The following APBB3 variants were observed in gnomAD, a reference collection of about 807,000 sequenced individuals.
APBB3 encodes amyloid-beta A4 precursor protein-binding family B member 3.
APBB3 carries 50 observed loss-of-function variants against 61.5 expected under a neutral mutation model. That is an observed-to-expected ratio of 0.81 (90% CI 0.65 to 1.03). The LOEUF (loss-of-function observed/expected upper bound fraction) is 1.03. APBB3 is among the 50% of genes least tolerant of loss of function. APBB3 has a pLI of 0.00. For missense variants in APBB3, 550 were observed against 637.4 expected (o/e 0.86, Z 1.48); for synonymous variants, 235 against 233.0 (o/e 1.01, Z -0.08).
chr5:140,563,843 G>A lies in APBB3; in HGVS notation c.122C>T (p.Ala41Val), dbSNP rs984546852. 4.3e-6 allele frequency: 7 copies of A among 1,614,082 alleles called. No individual in the cohort carries two copies. In the African/African-American group the frequency reaches 9.3e-5, roughly 22 times the overall value. The change falls in exon 2 of 13, where the codon GCT (alanine) becomes GTT (valine). Residue 41 changes from alanine (A) to valine (V), a missense_variant. This residue lies in a region of APBB3 where 405 missense variants were observed against 483.4 expected (regional missense o/e 0.84). Coordinates refer to ENST00000357560, the MANE Select transcript of APBB3 (RefSeq NM_133173.3). ...LPPGWRKIHDAAGTYYWHVPS... is the reference protein window; with the variant it reads ...LPPGWRKIHDVAGTYYWHVPS... ...TACATGCCAGTAGTAAGTACCTGCA[G>A]CATCGTGGATCTTCCTCCAGCCAGG...
chr5:140,562,183 T>C lies in APBB3; in HGVS notation c.543A>G (p.Leu181=), dbSNP rs777988103. 6.8e-6 allele frequency: 11 copies of C among 1,614,006 alleles called. No individual in the cohort carries two copies. In the South Asian group the frequency reaches 9.9e-5, roughly 14 times the overall value. Residue 181 remains leucine, a synonymous_variant, in exon 6 of 13, where the codon CTA becomes CTG. Coordinates refer to ENST00000357560, the MANE Select transcript of APBB3 (RefSeq NM_133173.3). The part of the protein sequence containing the change: ...LMILKKDAMS[L]VNPLDHSLIH... ...TCAGACTGTGGTCCAGGGGATTCACTAGGCTCATGGCATCCTTCTTCAGGA... is the reference window on the plus strand; with the variant it reads ...TCAGACTGTGGTCCAGGGGATTCACCAGGCTCATGGCATCCTTCTTCAGGA...
Position 140,561,107 on chromosome 5 carries a change from A to C in APBB3, c.833-6T>G. Reference sequence around the variant, plus strand: ...TACCGCATCCAGCAGCTCCACTGAAATATACACACCAAGTTGGCCTGGAAG... The same window carrying C: ...TACCGCATCCAGCAGCTCCACTGAACTATACACACCAAGTTGGCCTGGAAG... On this transcript the variant is annotated splice_region_variant and splice_polypyrimidine_tract_variant and intron_variant, in intron 9 of 12. Coordinates refer to ENST00000357560, the MANE Select transcript of APBB3 (RefSeq NM_133173.3). 2 of 1,614,092 alleles carry C rather than the reference A, an allele frequency of 1.2e-6. No individual in the cohort carries two copies. Among genetic ancestry groups the C allele is most frequent in the Non-Finnish European group, 1.7e-6 (2 of 1,180,022 alleles).
Position 140,563,803 on chromosome 5 carries a change from G to A in APBB3, c.162C>T (p.Thr54=). 1 of 1,614,142 alleles carries A rather than the reference G, an allele frequency of 6.2e-7. No individual in the cohort carries two copies. The highest frequency in any genetic ancestry group is 8.5e-7 in the Non-Finnish European group (1 of 1,180,032). ...TYYWHVPSGS[T]QWQRPTWELG... ...GTTCCCAGGTTGGGCGCTGCCACTG[G>A]GTGCTACCGCTGGGTACATGCCAGT... Residue 54 remains threonine, a synonymous_variant, in exon 2 of 13, where the codon ACC becomes ACT. Transcript: ENST00000357560.
intron 2 of APBB3, 27 bp downstream of exon 2, chr5:140,563,725 C>G: frequency 6.2e-7 from 1 of 1,614,064 alleles, no homozygotes; most frequent in Non-Finnish European, 8.5e-7. Context: ...CACATGGGCT[C>G]AGACCTCCTC....
At position 140,561,476 on chromosome 5, in the gene APBB3, C is replaced by T. The variant is rs372370534; in HGVS notation, c.748-27G>A. ...TAAAACACAATGAAGCCAGCATGAC[C>T]CACAGGGAGAGAGGGGAATTAGGGT... On this transcript the variant is annotated intron_variant, in intron 8 of 12. Transcript: ENST00000357560. 209 of 1,613,978 alleles carry T rather than the reference C, an allele frequency of 1.3e-4. 1 individual carries two copies. In the Middle Eastern group the frequency reaches 2.1e-3, roughly 17 times the overall value.
rs763589517 is a variant in APBB3 at position 140,560,470 on chromosome 5, T to C, written c.1067A>G (p.Gln356Arg). 2.5e-6 allele frequency: 4 copies of C among 1,614,078 alleles called. No homozygotes were observed. The highest frequency in any genetic ancestry group is 3.4e-6 in the Non-Finnish European group (4 of 1,179,998). ...AAATGTCACAAGGCGCACAGGGCAC[T>C]GCCACAATGGCTCCTCCTCTGTACT... Reference protein sequence around the residue: ...EASTEEEPLWQCPVRLVTFIG... With the variant: ...EASTEEEPLWRCPVRLVTFIG... The change falls in exon 12 of 13, where the codon CAG (glutamine) becomes CGG (arginine). Residue 356 changes from glutamine to arginine, a missense_variant. Gln to Arg is a conservative substitution (Grantham distance 43). Around this residue, in one of 3 missense-constraint regions of APBB3, gnomAD observed 405 missense variants for 483.4 expected, o/e 0.84. Coordinates refer to ENST00000357560, the MANE Select transcript of APBB3 (RefSeq NM_133173.3). This position sits in a 1 kb window ranked among gnomAD's most constrained non-coding sequence, Gnocchi z 5.1.
In APBB3 at chr5:140,563,682, G is replaced by A; in HGVS notation, c.214-12C>T. On this transcript the variant is annotated splice_polypyrimidine_tract_variant and intron_variant, in intron 2 of 12. Transcript: ENST00000357560. ...ATCCCCTCCGTTCCCTGTAGAGTGG[G>A]AGTTAGTCAGTTTAACAGCAGACCT... 1.2e-6 allele frequency: 2 copies of A among 1,614,144 alleles called. No individual in the cohort carries two copies. Among genetic ancestry groups the A allele is most frequent in the Non-Finnish European group, 1.7e-6 (2 of 1,180,010 alleles).
In APBB3 at chr5:140,560,993, C is replaced by G. The variant is rs940317643; in HGVS notation, c.916+25G>C. On this transcript the variant is annotated intron_variant, in intron 10 of 12. Coordinates refer to ENST00000357560, the MANE Select transcript of APBB3 (RefSeq NM_133173.3). This position sits in a 1 kb window ranked among gnomAD's most constrained non-coding sequence, Gnocchi z 5.1. ...CTTCCCCTTGCCTCACACAGCCCAC[C>G]ACATGCAGCCCCCTCAGTCCTCACC... is the stretch of plus-strand genomic sequence containing the variant. 3.7e-6 allele frequency: 6 copies of G among 1,608,394 alleles called. No homozygotes were observed. The Admixed American group carries it at 8.3e-5, about 22-fold the overall frequency.
At chr5:140,559,227 T>C (rs1754841553) in intron 12 of APBB3, among the ~76,000 whole-genome samples, 1 of 152,168 alleles carries the variant, frequency 6.6e-6, no homozygotes, top group African/African-American at 2.4e-5. Flanking sequence ...GTTGCCTCTT[T>C]TCCATCTCTC....
chr5:140,561,589 G>A lies in APBB3; in HGVS notation c.745C>T (p.Gln249Ter). ...IASALHGLCA[Q>*]ILSERVEVSG... ...CCTGCCCCACCCCTGACACTTACCT[G>A]GGCACAAAGCCCATGTAGGGCACTG... The change falls in exon 8 of 13, where the codon CAG (glutamine) becomes TAG (stop). Residue 249 changes from glutamine (Q) to a stop codon, truncating the protein, a stop_gained and splice_region_variant. Coordinates refer to ENST00000357560, the MANE Select transcript of APBB3 (RefSeq NM_133173.3). LOFTEE classifies it high-confidence loss of function. 6.2e-7 allele frequency: 1 copy of A among 1,614,112 alleles called. No individual in the cohort carries two copies. Among genetic ancestry groups the A allele is most frequent in the Non-Finnish European group, 8.5e-7 (1 of 1,180,006 alleles).
rs1471927809 is a variant in APBB3 at position 140,561,062 on chromosome 5, T to G, written c.872A>C (p.Tyr291Ser). The G allele has an allele frequency of 6.2e-7, 1 of 1,613,906 alleles. No homozygotes were observed. Among genetic ancestry groups the G allele is most frequent in the African/African-American group, 1.3e-5 (1 of 74,926 alleles). The change falls in exon 10 of 13, where the codon TAC (tyrosine) becomes TCC (serine). Residue 291 changes from tyrosine to serine, a missense_variant. Coordinates refer to ENST00000357560, the MANE Select transcript of APBB3 (RefSeq NM_133173.3). Reference sequence around the variant, plus strand: ...CAGTGTCCCCATATACAGTGCCTCGTACTTCTGAGCAGCTTGGCTTACCGC... The same window carrying G: ...CAGTGTCCCCATATACAGTGCCTCGGACTTCTGAGCAGCTTGGCTTACCGC... The part of the protein sequence containing the change: ...LDAVSQAAQK[Y>S]EALYMGTLPV...
rs544602778 is a variant in APBB3 at position 140,564,375 on chromosome 5, T to TACGGGGCGGGAC, written c.-142_-131dup. The TACGGGGCGGGAC allele has an allele frequency of 8.2e-4, 852 of 1,039,436 alleles. 4 individuals are homozygous for TACGGGGCGGGAC. Among genetic ancestry groups the TACGGGGCGGGAC allele is most frequent in the African/African-American group, 7.2e-3 (430 of 59,848 alleles). The allele number at this position is 1,039,436 out of a possible 1,614,324, so 64.4% of individuals were successfully genotyped here. ...GCGGGGCCAGCTGGCGCCGCACAAA[T>TACGGGGCGGGAC]ACGGGGCGGGACACGGGGCGGGACA... On this transcript the variant is annotated 5_prime_UTR_variant, in exon 1 of 13. Coordinates refer to ENST00000357560, the MANE Select transcript of APBB3 (RefSeq NM_133173.3). This position sits in a 1 kb window ranked among gnomAD's most constrained non-coding sequence, Gnocchi z 5.0.
In APBB3 at chr5:140,560,862, T is replaced by G. The variant is rs768225858; in HGVS notation, c.917-108A>C. 7.3e-5 allele frequency: 101 copies of G among 1,387,406 alleles called. No homozygotes were observed. The highest frequency in any genetic ancestry group is 9.5e-5 in the Non-Finnish European group (94 of 990,738). The allele number at this position is 1,387,406 out of a possible 1,614,324, so 85.9% of individuals were successfully genotyped here. On this transcript the variant is annotated intron_variant, in intron 10 of 12. Coordinates refer to ENST00000357560, the MANE Select transcript of APBB3 (RefSeq NM_133173.3). This position sits in a 1 kb window ranked among gnomAD's most constrained non-coding sequence, Gnocchi z 5.1. The stretch of plus-strand genomic sequence containing the variant: ...ATTCAGAGATAGGGAATAGGATAGC[T>G]GGGGCAAGCCTTAGAATTCTGATTT...
rs199545427 is a variant in APBB3 at position 140,560,476 on chromosome 5, A to G, written c.1061T>C (p.Leu354Ser). The G allele has an allele frequency of 5.6e-6, 9 of 1,614,008 alleles. No homozygotes were observed. In the Admixed American group the frequency reaches 1.5e-4, roughly 27 times the overall value. The part of the protein sequence containing the change: ...QAEASTEEEP[L>S]WQCPVRLVTF... ...CACAAGGCGCACAGGGCACTGCCAC[A>G]ATGGCTCCTCCTCTGTACTGGCCTC... The change falls in exon 12 of 13, where the codon TTG becomes TCG. Residue 354 changes from leucine (L) to serine (S), a missense_variant. This residue lies in a region of APBB3 where 405 missense variants were observed against 483.4 expected (regional missense o/e 0.84). Coordinates refer to ENST00000357560, the MANE Select transcript of APBB3 (RefSeq NM_133173.3). The surrounding 1 kb of genome is among the most constrained non-coding windows in gnomAD (Gnocchi z 5.1).
chr5:140,563,043 G>A (rs926524963), intron 3 of APBB3: 9 of 356,048 alleles, frequency 2.5e-5, no homozygotes, highest in Admixed American at 4.6e-5. Context: ...TCAGGATATC[G>A]AGACCATCCT....
intron 12 of APBB3, among the ~76,000 whole-genome samples, chr5:140,559,474 G>A (rs959281488): frequency 6.6e-6 from 1 of 152,092 alleles, no homozygotes; most frequent in Admixed American, 6.6e-5. Flanking sequence ...GTGCTTCCTA[G>A]TGCCTCCAGA....
Position 140,558,949 on chromosome 5 carries a change from G to A in APBB3, c.1225-128C>T. On this transcript the variant is annotated intron_variant, in intron 12 of 12. Coordinates refer to ENST00000357560, the MANE Select transcript of APBB3 (RefSeq NM_133173.3). ...AGGTTGGTAGTCAGCCACATGTGGA[G>A]TTTCTAGAGCATTCCCAGGTAGCTC... The A allele has an allele frequency of 2.5e-6, 2 of 807,106 alleles. 1 individual carries two copies. The highest frequency in any genetic ancestry group is 3.0e-5 in the South Asian group (2 of 66,214). 50.0% of individuals were successfully genotyped at this position (807,106 alleles called of 1,614,324 possible).
rs143491686 is a variant in APBB3, at chr5:140,558,657, G to C, written c.1389C>G (p.Thr463=). 1.1e-3 allele frequency: 1,703 copies of C among 1,614,114 alleles called. 1 individual carries two copies. The highest frequency in any genetic ancestry group is 1.4e-3 in the Non-Finnish European group (1,611 of 1,180,006). Residue 463 remains threonine, a synonymous_variant, in exon 13 of 13, where the codon ACC becomes ACG. Transcript: ENST00000357560. ...AAGAGAAGACACCCCGCTTTCGAGG[G>C]GTTGCCCCTGCACCGCCAACCCCTC... ...LKGGVGGAGA[T]PRKRGVFSFL... is the part of the protein sequence containing the mutation.
rs374617627 is a variant in APBB3 at position 140,561,653 on chromosome 5, G to A, written c.681C>T (p.Cys227=). 6.2e-7 allele frequency: 1 copy of A among 1,614,224 alleles called. No individual in the cohort carries two copies. Among genetic ancestry groups the A allele is most frequent in the Non-Finnish European group, 8.5e-7 (1 of 1,180,042 alleles). The change falls in exon 8 of 13, where the codon TGC becomes TGT. Residue 227 remains cysteine (C), a synonymous_variant. Coordinates refer to ENST00000357560, the MANE Select transcript of APBB3 (RefSeq NM_133173.3). ...ASDKDSCMLK[C]HVFCCDVPAK... ...CAGGGACATCACAGCAAAACACATG[G>A]CACTTGAGCATACAGCTATCTTTGT...
Sources: allele counts gnomAD v4.1 joint callset (sites outside exome capture counted in the v4.1 genomes callset), GRCh38; gene constraint gnomAD v4.1.1; regional missense constraint gnomAD v4.1.1; non-coding constraint Gnocchi (gnomAD v3.1); transcripts MANE v1.5; gene names NCBI Gene and HGNC (gene_info 2026-07-23, HGNC 2026-07-21).